CCDC28A: variants seen among roughly 807,000 people sequenced by gnomAD.
The protein encoded by CCDC28A is coiled-coil domain-containing protein 28A.
A neutral mutation model predicts 22.1 loss-of-function variants in CCDC28A; 24 were observed. The ratio of observed to expected loss-of-function variants is 1.09; its 90% CI spans 0.79 to 1.53. CCDC28A has a LOEUF of 1.53. Among genes scored for constraint, CCDC28A ranks in the 40% most tolerant of loss-of-function variants. The pLI is 0.00. For missense variants in CCDC28A, 170 were observed against 210.7 expected (o/e 0.81, Z 1.20); for synonymous variants, 83 against 74.7 (o/e 1.11, Z -0.57).
In CCDC28A at chr6:138,785,391, A is replaced by G; in HGVS notation, c.477+10A>G. 1 of 1,585,174 alleles carries G rather than the reference A, an allele frequency of 6.3e-7. No individual in the cohort carries two copies. Among genetic ancestry groups the G allele is most frequent in the Non-Finnish European group, 8.6e-7 (1 of 1,169,316 alleles). On this transcript the variant is annotated intron_variant, in intron 4 of 5. Transcript: ENST00000617445. The stretch of plus-strand genomic sequence containing the variant: ...TAGGCTTCTGTCAGATGTAAGTGTA[A>G]TTCTTTTTCTTTGTTCTTTAAAAAA...
chr6:138,789,368 C>T (rs1472161851), intron 5 of CCDC28A, among the ~76,000 whole-genome samples: 1 of 152,118 alleles, frequency 6.6e-6, no homozygotes, highest in South Asian at 2.1e-4. Context: ...TAACCTTGGG[C>T]AAATTGTTTA....
chr6:138,781,148 T>G (rs1775015377), intron 3 of CCDC28A, among the ~76,000 whole-genome samples: 1 of 152,228 alleles, frequency 6.6e-6, no homozygotes, highest in South Asian at 2.1e-4. Context: ...TTTCATTATT[T>G]AATACAAATG....
intron 4 of CCDC28A, among the ~76,000 whole-genome samples, chr6:138,786,907 T>C (rs1775103576): frequency 6.6e-6 from 1 of 152,222 alleles, no homozygotes; most frequent in Admixed American, 6.5e-5. Context: ...TGAGCCACGG[T>C]GTCTGGCTTT....
At chr6:138,782,824 A>T (rs1775039481) in intron 3 of CCDC28A, among the ~76,000 whole-genome samples, 1 of 152,250 alleles carries the variant, frequency 6.6e-6, no homozygotes, top group Non-Finnish European at 1.5e-5. Flanking sequence ...TGAAGATGTT[A>T]TAAAGCTGGC....
At chr6:138,791,459 T>G (rs971622362) in intron 5 of CCDC28A, among the ~76,000 whole-genome samples, 1 of 152,194 alleles carries the variant, frequency 6.6e-6, no homozygotes, top group African/African-American at 2.4e-5. Flanking sequence ...AAACATCACT[T>G]TCTTCCTGCC....
At chr6:138,778,148 A>G (rs545702343) in intron 2 of CCDC28A, among the ~76,000 whole-genome samples, 1 of 152,302 alleles carries the variant, frequency 6.6e-6, no homozygotes, top group Admixed American at 6.5e-5. Flanking sequence ...TCTTTCTTGT[A>G]TCCCCCCCTC....
chr6:138,774,050 G>T, intron 1 of CCDC28A, 148 bp downstream of exon 1: 1 of 966,802 alleles, frequency 1.0e-6, no homozygotes, highest in South Asian at 1.6e-5. Flanking sequence ...GGGATGCCCA[G>T]TGGTACTGCT....
chr6:138,782,534 CCGT>C (rs60228761), intron 3 of CCDC28A, among the ~76,000 whole-genome samples: 11,880 of 152,194 alleles, frequency 0.078, 754 homozygotes, highest in East Asian at 0.2. Flanking sequence ...TCACCTAGAT[CCGT>C]CCTCTGACTC....
At chr6:138,780,272 G>A (rs1774996145) in intron 3 of CCDC28A, among the ~76,000 whole-genome samples, 1 of 152,138 alleles carries the variant, frequency 6.6e-6, no homozygotes, top group Admixed American at 6.6e-5. Flanking sequence ...GACAGTCTTG[G>A]TCAGTTAAAA....
chr6:138,791,989 G>A (rs1775176988), intron 5 of CCDC28A, among the ~76,000 whole-genome samples: 1 of 152,178 alleles, frequency 6.6e-6, no homozygotes, highest in Admixed American at 6.5e-5. Flanking sequence ...GAAAGACAGT[G>A]ATTATAATAA....
Position 138,792,732 on chromosome 6 carries a change from T to TAAC in CCDC28A, c.501-17_501-16insAAC. On this transcript the variant is annotated splice_polypyrimidine_tract_variant and intron_variant, in intron 5 of 5. Coordinates refer to ENST00000617445, the MANE Select transcript of CCDC28A (RefSeq NM_015439.3). ...TACCCCTTATAGAATGAAAATCTTC[T>TAAC]TAACTGATTAATTCAGACAAAAACT... 3.2e-6 allele frequency: 5 copies of TAAC among 1,544,666 alleles called. No individual in the cohort carries two copies. Among genetic ancestry groups the TAAC allele is most frequent in the Non-Finnish European group, 4.5e-6 (5 of 1,120,956 alleles).
chr6:138,785,136 C>CT, intron 3 of CCDC28A, 91 bp from the exon 4 acceptor site: 2 of 725,344 alleles, frequency 2.8e-6, no homozygotes, highest in Non-Finnish European at 4.3e-6. Flanking sequence ...AAACCTGTTT[C>CT]TTTTAGAGCA....
chr6:138,774,564 T>C (rs1049127047), intron 1 of CCDC28A, among the ~76,000 whole-genome samples: 3 of 152,270 alleles, frequency 2.0e-5, no homozygotes, highest in Non-Finnish European at 4.4e-5. Context: ...GACTGGGCAT[T>C]GGAGCCTTTC....
intron 1 of CCDC28A, among the ~76,000 whole-genome samples, chr6:138,774,848 A>T (rs1774902708): frequency 6.6e-6 from 1 of 152,272 alleles, no homozygotes; most frequent in African/African-American, 2.4e-5. Context: ...TGAGGTAGAG[A>T]TAGCCATATA....
intron 4 of CCDC28A, among the ~76,000 whole-genome samples, chr6:138,786,342 A>G (rs745628627): frequency 2.0e-5 from 3 of 152,236 alleles, no homozygotes; most frequent in Non-Finnish European, 4.4e-5. Flanking sequence ...AGCACATAAC[A>G]CAAAGTATGA....
chr6:138,777,616 A>G (rs1032278051), intron 2 of CCDC28A, among the ~76,000 whole-genome samples: 1 of 152,220 alleles, frequency 6.6e-6, no homozygotes, highest in African/African-American at 2.4e-5. Context: ...GCCTGACAGA[A>G]CTTACAGTGG....
intron 3 of CCDC28A, among the ~76,000 whole-genome samples, chr6:138,781,784 G>A (rs1466421958): frequency 2.6e-5 from 4 of 152,042 alleles, no homozygotes; most frequent in African/African-American, 9.7e-5. Flanking sequence ...CTAACCCTCT[G>A]ACCTCTATTA....
In CCDC28A at chr6:138,793,305, A is replaced by G. The variant is rs1775203308; in HGVS notation, c.*502A>G. ...AGATTTGCTATTTTTTAATAAAGTA[A>G]TTGTTTTAAATTAATCTCTGTTGTC... On this transcript the variant is annotated 3_prime_UTR_variant, in exon 6 of 6. Transcript: ENST00000617445. 1 of 153,974 alleles carries G rather than the reference A, an allele frequency of 6.5e-6. No individual in the cohort carries two copies. The highest frequency in any genetic ancestry group is 6.5e-5 in the Admixed American group (1 of 15,408). The allele number at this position is 153,974 out of a possible 1,614,324, so 9.5% of individuals were successfully genotyped here. A position where few individuals can be genotyped will look rare whatever the true frequency, so the allele number is the denominator to read the frequency against.
At chr6:138,786,718 G>A (rs964075988) in intron 4 of CCDC28A, among the ~76,000 whole-genome samples, 1 of 152,022 alleles carries the variant, frequency 6.6e-6, no homozygotes, top group African/African-American at 2.4e-5. Context: ...GAACTCATAC[G>A]ATCCTCCTGC....
Sources: gnomAD v4.1 joint callset for allele counts (sites outside exome capture counted in the v4.1 genomes callset) on GRCh38, gnomAD v4.1.1 for gene constraint, MANE v1.5 for transcripts, NCBI Gene and HGNC (gene_info 2026-07-23, HGNC 2026-07-21) for gene names.